The following YBX2 variants were observed in gnomAD, a reference collection of about 807,000 sequenced individuals.
YBX2 encodes the protein Y-box binding protein 2.
YBX2 carries 5 observed loss-of-function variants against 44.4 expected under a neutral mutation model. The ratio of observed to expected loss-of-function variants is 0.11; its 90% CI spans 0.06 to 0.24. The LOEUF (loss-of-function observed/expected upper bound fraction) is 0.24, where lower values mean the gene tolerates loss of function less well. Among genes scored for constraint, YBX2 ranks in the 10% least tolerant of loss-of-function variants. The probability of loss-of-function intolerance (pLI) is 1.00; values close to 1 mark genes in which losing one functional copy is unlikely to be tolerated. For missense variants in YBX2, 417 were observed against 526.9 expected (o/e 0.79, Z 2.04); for synonymous variants, 188 against 216.1 (o/e 0.87, Z 1.14).
rs1178999179 is a variant in YBX2 at position 7,293,553 on chromosome 17, T to C, written c.272-15A>G. 1.9e-6 allele frequency: 3 copies of C among 1,614,076 alleles called. No individual in the cohort carries two copies. The highest frequency in any genetic ancestry group is 2.5e-6 in the Non-Finnish European group (3 of 1,180,012). On this transcript the variant is annotated splice_polypyrimidine_tract_variant and intron_variant, in intron 1 of 8. Transcript: ENST00000007699. ...GACTTGGATTGCTGCCAGGCAGAGATGCAGTGGGGACAGTGAGATGGGGGG... is the reference window on the plus strand; with the variant it reads ...GACTTGGATTGCTGCCAGGCAGAGACGCAGTGGGGACAGTGAGATGGGGGG...
rs1461732840 is a variant in YBX2, at chr17:7,291,455, A to G, written c.370-273T>C. The G allele has an allele frequency of 2.0e-6, 1 of 503,396 alleles. No homozygotes were observed. Among genetic ancestry groups the G allele is most frequent in the East Asian group, 3.8e-5 (1 of 26,652 alleles). The allele number at this position is 503,396 out of a possible 1,614,324, so 31.2% of individuals were successfully genotyped here. ...CCTCAGGGATTTCAGAAAGGGAGGC[A>G]AGAAATATGAACTCCAAAGCAAAAG... On this transcript the variant is annotated intron_variant, in intron 3 of 8. Coordinates refer to ENST00000007699, the MANE Select transcript of YBX2 (RefSeq NM_015982.4). This position sits in a 1 kb window ranked among gnomAD's most constrained non-coding sequence, Gnocchi z 5.8.
intron 2 of YBX2, chr17:7,292,438 A>C (rs2072508108): frequency 7.5e-6 from 2 of 266,158 alleles, no homozygotes; most frequent in Non-Finnish European, 1.5e-5. Flanking sequence ...CCCAACCCCC[A>C]TCAGGGTTGG....
chr17:7,290,813 G>A (rs141771964), intron 4 of YBX2, among the ~76,000 whole-genome samples: 167 of 152,292 alleles, frequency 1.1e-3, no homozygotes, highest in African/African-American at 3.5e-3. Context: ...CTCCAGAGGC[G>A]GACTCGGGAA....
intron 5 of YBX2, 72 bp downstream of exon 5, chr17:7,290,179 T>C (rs1211898738): frequency 1.9e-6 from 3 of 1,611,394 alleles, no homozygotes; most frequent in Non-Finnish European, 2.5e-6. Context: ...TGGGGACCCA[T>C]GGTCTCTATC....
chr17:7,294,616 G>T lies in YBX2; in HGVS notation c.-116C>A. Reference sequence around the variant, plus strand: ...CGAGCCTCGCCCACACGCCGGCAGCGGGCCCGGAGCCGAGGCCAATGGCAG... The same window carrying T: ...CGAGCCTCGCCCACACGCCGGCAGCTGGCCCGGAGCCGAGGCCAATGGCAG... On this transcript the variant is annotated 5_prime_UTR_variant, in exon 1 of 9. Coordinates refer to ENST00000007699, the MANE Select transcript of YBX2 (RefSeq NM_015982.4). The surrounding 1 kb of genome is among the most constrained non-coding windows in gnomAD (Gnocchi z 4.6). 1 of 1,179,086 alleles carries T rather than the reference G, an allele frequency of 8.5e-7. No homozygotes were observed. The highest frequency in any genetic ancestry group is 3.7e-5 in the East Asian group (1 of 27,172). The allele number at this position is 1,179,086 out of a possible 1,614,324, so 73.0% of individuals were successfully genotyped here. A position where few individuals can be genotyped will look rare whatever the true frequency, so the allele number is the denominator to read the frequency against.
intron 1 of YBX2, 171 bp from the exon 2 acceptor site, chr17:7,293,709 T>C (rs2072518054): frequency 3.0e-6 from 4 of 1,322,586 alleles, no homozygotes; most frequent in South Asian, 2.9e-5. Flanking sequence ...ATTCCTACCC[T>C]AGTCCACCAA....
At chr17:7,292,323 G>A in intron 2 of YBX2, 1 of 506,896 alleles carries the variant, frequency 2.0e-6, no homozygotes, top group Non-Finnish European at 3.6e-6. Flanking sequence ...GCACCTTGAG[G>A]AACCTCAGAC....
chr17:7,289,377 G>A (rs1910323), intron 7 of YBX2, among the ~76,000 whole-genome samples, 153 bp downstream of exon 7: 61,604 of 144,732 alleles, frequency 0.43, 14,342 homozygotes, highest in Non-Finnish European at 0.52. Context: ...CACCTGCCAG[G>A]GGGGGACCCA....
intron 2 of YBX2, 54 bp from the exon 3 acceptor site, chr17:7,292,113 C>T: frequency 6.3e-7 from 1 of 1,593,624 alleles, no homozygotes; most frequent in East Asian, 2.2e-5. Flanking sequence ...CCCTCAGCTC[C>T]TCACTGAGGT....
At chr17:7,292,433 C>A (rs900984294) in intron 2 of YBX2, 4 of 277,740 alleles carry the variant, frequency 1.4e-5, no homozygotes. Context: ...CCTCCCCCAA[C>A]CCCCATCAGG....
chr17:7,294,073 A>G lies in YBX2; in HGVS notation c.271+157T>C. On this transcript the variant is annotated intron_variant, in intron 1 of 8. Transcript: ENST00000007699. The surrounding 1 kb of genome is among the most constrained non-coding windows in gnomAD (Gnocchi z 4.6). ...GGAAGGTACGGCAGGATTTCCCACC[A>G]GGGGAATCCACTTTGGTGCGCAGCT... The G allele has an allele frequency of 3.5e-6, 3 of 845,214 alleles. No individual in the cohort carries two copies. Among genetic ancestry groups the G allele is most frequent in the Non-Finnish European group, 4.7e-6 (3 of 632,080 alleles). 52.4% of individuals were successfully genotyped at this position (845,214 alleles called of 1,614,324 possible).
At chr17:7,288,864 G>C in intron 7 of YBX2, 26 bp from the exon 8 acceptor site, 1 of 1,613,542 alleles carries the variant, frequency 6.2e-7, no homozygotes, top group Non-Finnish European at 8.5e-7. Context: ...GGCCAATTGA[G>C]ACTTGTTCTT....
In YBX2 at chr17:7,294,454, G is replaced by C; in HGVS notation, c.47C>G (p.Ala16Gly). Reference sequence around the variant, plus strand: ...CCCTGCCGCCGTCGCGGGCACCGTCGCCGCGGGGACCGCTGTAGCCCCCGC... The same window carrying C: ...CCCTGCCGCCGTCGCGGGCACCGTCCCCGCGGGGACCGCTGTAGCCCCCGC... Reference protein sequence around the residue: ...AAAGATAVPAATVPATAAGVV... With the variant: ...AAAGATAVPAGTVPATAAGVV... The change falls in exon 1 of 9, where the codon GCG (alanine) becomes GGG (glycine). Residue 16 changes from alanine to glycine, a missense_variant. By Grantham distance (60) the Ala-to-Gly change is moderately conservative. Transcript: ENST00000007699. This position sits in a 1 kb window ranked among gnomAD's most constrained non-coding sequence, Gnocchi z 4.6. 6.8e-7 allele frequency: 1 copy of C among 1,475,042 alleles called. No homozygotes were observed. The highest frequency in any genetic ancestry group is 9.0e-7 in the Non-Finnish European group (1 of 1,116,274). The allele number at this position is 1,475,042 out of a possible 1,614,324, so 91.4% of individuals were successfully genotyped here. A position where few individuals can be genotyped will look rare whatever the true frequency, so the allele number is the denominator to read the frequency against.
In YBX2 at chr17:7,290,462, C is replaced by G. The variant is rs1286928860; in HGVS notation, c.533G>C (p.Arg178Pro). The G allele has an allele frequency of 6.2e-7, 1 of 1,613,870 alleles. No individual in the cohort carries two copies. Among genetic ancestry groups the G allele is most frequent in the South Asian group, 1.1e-5 (1 of 91,072 alleles). The change falls in exon 5 of 9, where the codon CGT (arginine) becomes CCT (proline). Residue 178 changes from arginine (R) to proline (P), a missense_variant. Physicochemically the swap from Arg to Pro is moderately radical, Grantham distance 103. Coordinates refer to ENST00000007699, the MANE Select transcript of YBX2 (RefSeq NM_015982.4). ...CCGGGGGATGAATCGGCGGGACTTA[C>G]GTCGGTTGGGGGCATAACGGCTGCC... Reference protein sequence around the residue: ...VKGSRYAPNRRKSRRFIPRPP... With the variant: ...VKGSRYAPNRPKSRRFIPRPP...
At position 7,291,774 on chromosome 17, in the gene YBX2, T is replaced by G; in HGVS notation, c.369+252A>C. 1 of 539,636 alleles carries G rather than the reference T, an allele frequency of 1.9e-6. No homozygotes were observed. The highest frequency in any genetic ancestry group is 3.3e-6 in the Non-Finnish European group (1 of 298,612). 33.4% of individuals were successfully genotyped at this position (539,636 alleles called of 1,614,324 possible). A position where few individuals can be genotyped will look rare whatever the true frequency, so the allele number is the denominator to read the frequency against. ...CTTCTCCCTCTGAAAACTGCCTCAGTGCTTCCTGGAGTGTTAACAGGTCCC... is the reference window on the plus strand; with the variant it reads ...CTTCTCCCTCTGAAAACTGCCTCAGGGCTTCCTGGAGTGTTAACAGGTCCC... On this transcript the variant is annotated intron_variant, in intron 3 of 8. Coordinates refer to ENST00000007699, the MANE Select transcript of YBX2 (RefSeq NM_015982.4). The surrounding 1 kb of genome is among the most constrained non-coding windows in gnomAD (Gnocchi z 5.8).
In YBX2 at chr17:7,291,723, C is replaced by CT; in HGVS notation, c.369+302dup. The CT allele has an allele frequency of 2.2e-6, 1 of 461,544 alleles. No individual in the cohort carries two copies. Among genetic ancestry groups the CT allele is most frequent in the South Asian group, 2.3e-5 (1 of 43,776 alleles). The allele number at this position is 461,544 out of a possible 1,614,324, so 28.6% of individuals were successfully genotyped here. ...TGCTGCCGCTGGTGCAGGGGCCACG[C>CT]TTTGAGAACCACTGCACCCAAGGAC... On this transcript the variant is annotated intron_variant, in intron 3 of 8. Coordinates refer to ENST00000007699, the MANE Select transcript of YBX2 (RefSeq NM_015982.4). The surrounding 1 kb of genome is among the most constrained non-coding windows in gnomAD (Gnocchi z 5.8).
rs34468152 is a variant in YBX2 at position 7,289,295 on chromosome 17, T to TGG, written c.1044+233_1044+234dup. Among the ~76,000 whole-genome samples the TGG allele has an allele frequency of 9.9e-3, 1,036 of 104,826 alleles. 20 individuals carry two copies. Among genetic ancestry groups the TGG allele is most frequent in the African/African-American group, 0.041 (924 of 22,314 alleles). 68.8% of individuals were successfully genotyped at this position (104,826 alleles called of 152,430 possible). ...TCCAGGCAGCAAGTGGGGGATGGGT[T>TGG]GGGGGGGGCATGGCCATCATGGGCA... On this transcript the variant is annotated intron_variant, in intron 7 of 8. Transcript: ENST00000007699.
chr17:7,290,119 C>T, intron 5 of YBX2, 48 bp from the exon 6 acceptor site: 1 of 1,612,008 alleles, frequency 6.2e-7, no homozygotes, highest in Non-Finnish European at 8.5e-7. Flanking sequence ...AGCAGCTGCT[C>T]TGGAGCCAGA....
chr17:7,294,534 C>A lies in YBX2; in HGVS notation c.-34G>T. The A allele has an allele frequency of 7.0e-7, 1 of 1,428,344 alleles. No homozygotes were observed. Among genetic ancestry groups the A allele is most frequent in the African/African-American group, 1.5e-5 (1 of 67,108 alleles). 88.5% of individuals were successfully genotyped at this position (1,428,344 alleles called of 1,614,324 possible). ...GTCCAGTACCGGCCACAGCCGCCAC[C>A]GCCCCGGCCCCTCCCCCCGGCTCGC... On this transcript the variant is annotated 5_prime_UTR_variant, in exon 1 of 9. Transcript: ENST00000007699. The surrounding 1 kb of genome is among the most constrained non-coding windows in gnomAD (Gnocchi z 4.6).
Sources: gnomAD v4.1 joint callset for allele counts (sites outside exome capture counted in the v4.1 genomes callset) on GRCh38, gnomAD v4.1.1 for gene constraint, Gnocchi (gnomAD v3.1) non-coding constraint, MANE v1.5 for transcripts, NCBI Gene and HGNC (gene_info 2026-07-23, HGNC 2026-07-21) for gene names.